The following GRIN2A variants were observed in gnomAD, a reference collection of about 807,000 sequenced individuals.
GRIN2A encodes the protein glutamate ionotropic receptor NMDA type subunit 2A.
GRIN2A carries 22 observed loss-of-function variants against 113.4 expected under a neutral mutation model. That is an observed-to-expected ratio of 0.19 (90% CI 0.14 to 0.28). The LOEUF (loss-of-function observed/expected upper bound fraction) is 0.28, where lower values mean the gene tolerates loss of function less well. GRIN2A is among the 10% of genes least tolerant of loss of function. The pLI is 1.00. For synonymous variants in GRIN2A, 827 were observed against 738.4 expected, an observed-to-expected ratio of 1.12 and a Z score of -1.94; for missense variants, 1,502 against 1,887.0, an observed-to-expected ratio of 0.80 and a Z score of 3.78.
At chr16:10,046,022 G>A (rs368843299) in intron 2 of GRIN2A, among the ~76,000 whole-genome samples, 41 of 152,198 alleles carry the variant, frequency 2.7e-4, no homozygotes, top group South Asian at 1.5e-3. Flanking sequence ...CAAAAATATC[G>A]CCAGACTATT....
chr16:9,888,416 AGCC>A (rs2043628270), intron 4 of GRIN2A, among the ~76,000 whole-genome samples: 1 of 151,996 alleles, frequency 6.6e-6, no homozygotes, highest in Non-Finnish European at 1.5e-5. Context: ...TTCACATTTA[AGCC>A]TGTAATCTAT....
Position 9,753,713 on chromosome 16 carries a change from G to C in GRIN2A, c.*9436C>G, listed in dbSNP as rs369835637. The C allele has an allele frequency of 3.1e-5, 6 of 193,090 alleles. No individual in the cohort carries two copies. In the East Asian group the frequency reaches 3.3e-4, roughly 11 times the overall value. The allele number at this position is 193,090 out of a possible 1,614,324, so 12.0% of individuals were successfully genotyped here. A position where few individuals can be genotyped will look rare whatever the true frequency, so the allele number is the denominator to read the frequency against. ...AATACACTTATTAGCACTTCCTCAT[G>C]CAGTGGATTAAAACATGACAGATAT... On this transcript the variant is annotated 3_prime_UTR_variant, in exon 13 of 13. Transcript: ENST00000330684.
intron 2 of GRIN2A, among the ~76,000 whole-genome samples, chr16:9,993,922 T>C (rs2046174353): frequency 6.6e-6 from 1 of 152,214 alleles, no homozygotes; most frequent in African/African-American, 2.4e-5. Flanking sequence ...CACATCATTG[T>C]AATCCTCTGG....
intron 2 of GRIN2A, 105 bp downstream of exon 2, chr16:10,179,893 C>CCCAAAAAAAAAAAA: frequency 5.6e-6 from 4 of 719,812 alleles, no homozygotes; most frequent in Non-Finnish European, 7.1e-6. Flanking sequence ...CCCCCACCCC[C>CCCAAAAAAAAAAAA]ACTTCACATC....
At chr16:10,109,763 G>A (rs542715891) in intron 2 of GRIN2A, among the ~76,000 whole-genome samples, 1 of 151,908 alleles carries the variant, frequency 6.6e-6, no homozygotes. Context: ...GTAACACAAA[G>A]GATAAATGCT....
At chr16:10,094,883 CAAAAA>C (rs58041208) in intron 2 of GRIN2A, among the ~76,000 whole-genome samples, 55 of 117,450 alleles carry the variant, frequency 4.7e-4, no homozygotes, top group African/African-American at 1.1e-3. Flanking sequence ...GAATGTGCAC[CAAAAA>C]AAAAAAAAAA....
chr16:10,147,339 T>C (rs1224135611), intron 2 of GRIN2A, among the ~76,000 whole-genome samples: 1 of 150,480 alleles, frequency 6.6e-6, no homozygotes, highest in African/African-American at 2.4e-5. Context: ...GAATTAATTG[T>C]AGAAGTGTAC....
At chr16:9,798,757 TC>T (rs1903164424) in intron 10 of GRIN2A, among the ~76,000 whole-genome samples, 1 of 152,190 alleles carries the variant, frequency 6.6e-6, no homozygotes, top group Non-Finnish European at 1.5e-5. Flanking sequence ...TCCTTAACAC[TC>T]CCAGTGGTGG....
At chr16:9,954,236 TA>T (rs1267937438) in intron 2 of GRIN2A, among the ~76,000 whole-genome samples, 1 of 152,194 alleles carries the variant, frequency 6.6e-6, no homozygotes, top group East Asian at 1.9e-4. Flanking sequence ...CAAGATTCCT[TA>T]GTTTTTCACC....
chr16:9,918,839 A>C (rs1210352716), intron 3 of GRIN2A, among the ~76,000 whole-genome samples: 3 of 151,504 alleles, frequency 2.0e-5, no homozygotes. Flanking sequence ...AAAAAAACTA[A>C]CTTAAACAAA....
In GRIN2A at chr16:9,763,920, C is replaced by A. The variant is rs587780350; in HGVS notation, c.3624G>T (p.Arg1208=). Residue 1208 remains arginine, a synonymous_variant, in exon 13 of 13, where the codon CGG becomes CGT. Transcript: ENST00000330684. ...SPHSETSERY[R]QNSTHCRSCL... ...AGCTTCTGCAGTGCGTGGAGTTCTG[C>A]CGGTATCGCTCGCTGGTCTCACTGT... The A allele has an allele frequency of 6.2e-7, 1 of 1,614,074 alleles. No homozygotes were observed.
intron 3 of GRIN2A, among the ~76,000 whole-genome samples, chr16:9,932,003 T>C (rs1190180943): frequency 6.6e-6 from 1 of 152,164 alleles, no homozygotes; most frequent in Non-Finnish European, 1.5e-5. Context: ...AGGAAATAAA[T>C]AAAAGCTACC....
At chr16:10,095,995 T>C (rs1343245610) in intron 2 of GRIN2A, among the ~76,000 whole-genome samples, 1 of 152,188 alleles carries the variant, frequency 6.6e-6, no homozygotes, top group Non-Finnish European at 1.5e-5. Context: ...TATCTACTCA[T>C]GACACAAGTT....
intron 3 of GRIN2A, among the ~76,000 whole-genome samples, chr16:9,910,226 T>C (rs1802763590): frequency 6.6e-6 from 1 of 152,156 alleles, no homozygotes; most frequent in Non-Finnish European, 1.5e-5. Context: ...GGTATCTAAC[T>C]AGAAGTAGAA....
At chr16:10,010,161 G>T (rs1043662167) in intron 2 of GRIN2A, among the ~76,000 whole-genome samples, 3 of 152,148 alleles carry the variant, frequency 2.0e-5, no homozygotes, top group African/African-American at 7.2e-5. Context: ...TTCTGATAAG[G>T]GTAGAGAACA....
At chr16:10,070,627 G>A (rs1015696018) in intron 2 of GRIN2A, among the ~76,000 whole-genome samples, 1 of 152,094 alleles carries the variant, frequency 6.6e-6, no homozygotes, top group South Asian at 2.1e-4. Context: ...GTTTCCCTTC[G>A]TATTCTCTGA....
intron 2 of GRIN2A, among the ~76,000 whole-genome samples, chr16:10,136,073 C>T (rs2049184971): frequency 6.6e-6 from 1 of 152,174 alleles, no homozygotes; most frequent in African/African-American, 2.4e-5. Flanking sequence ...AGTCTAAAAG[C>T]AGATGTGCTT....
intron 11 of GRIN2A, among the ~76,000 whole-genome samples, chr16:9,793,538 C>A (rs1393548628): frequency 6.6e-6 from 1 of 151,986 alleles, no homozygotes; most frequent in Non-Finnish European, 1.5e-5. Flanking sequence ...TTTTAGGGAC[C>A]AAGCAGAATC....
rs1261212474 is a variant in GRIN2A, at chr16:9,987,828, A to G, written c.415-49277T>C. ...AAATGGAGAAAATTCCCAAGCATGG[A>G]GTCAATTTAATACATTTCGAGAGTT... On this transcript the variant is annotated intron_variant, in intron 2 of 12. Transcript: ENST00000330684. 2.0e-5 allele frequency among the ~76,000 whole-genome samples: 3 copies of G among 152,138 alleles called. No homozygotes were observed. The East Asian group carries it at 5.8e-4, about 29-fold the overall frequency.
Sources: gnomAD v4.1 joint callset for allele counts (sites outside exome capture counted in the v4.1 genomes callset) on GRCh38, gnomAD v4.1.1 for gene constraint, MANE v1.5 for transcripts, NCBI Gene and HGNC (gene_info 2026-07-23, HGNC 2026-07-21) for gene names.